The following JAK2 variants were observed in gnomAD, a reference collection of about 807,000 sequenced individuals.
JAK2 encodes Janus kinase 2.
In JAK2, 86 loss-of-function variants were observed where a neutral mutation model predicts 139.3. The observed-to-expected ratio is 0.62, with a 90% CI of 0.52 to 0.74. The LOEUF is 0.74. Ranked by LOEUF, JAK2 falls within the 30% of genes least tolerant of loss-of-function variation. The pLI is 0.00. For missense variants in JAK2, 1,421 were observed against 1,360.3 expected, an observed-to-expected ratio of 1.04 and a Z score of -0.70; for synonymous variants, 490 against 437.7, an observed-to-expected ratio of 1.12 and a Z score of -1.49.
intron 6 of JAK2, among the ~76,000 whole-genome samples, chr9:5,053,196 A>G (rs781311926): frequency 3.9e-5 from 6 of 151,916 alleles, no homozygotes; most frequent in African/African-American, 9.7e-5. Flanking sequence ...GTCTCATTCT[A>G]GTTTTGATGT....
chr9:5,112,693 G>T, intron 22 of JAK2: 1 of 902,626 alleles, frequency 1.1e-6, no homozygotes, highest in South Asian at 3.0e-5. Context: ...TCCTGAATTT[G>T]GAGCAGCAAG....
chr9:5,093,310 C>T (rs899132206), intron 22 of JAK2, among the ~76,000 whole-genome samples: 4 of 152,160 alleles, frequency 2.6e-5, no homozygotes, highest in African/African-American at 9.7e-5. Flanking sequence ...TCTAGCATTA[C>T]CAGTATTAGA....
At chr9:5,024,489 C>G (rs982434831) in intron 3 of JAK2, among the ~76,000 whole-genome samples, 2 of 152,002 alleles carry the variant, frequency 1.3e-5, no homozygotes, top group African/African-American at 4.8e-5. Context: ...CCTGCTTGTG[C>G]TGACTCTAAA....
intron 19 of JAK2, among the ~76,000 whole-genome samples, chr9:5,087,596 G>T (rs2031907): frequency 6.6e-6 from 1 of 151,950 alleles, no homozygotes; most frequent in Admixed American, 6.6e-5. Flanking sequence ...GAGGCATTCC[G>T]AATTAAAAGT....
intron 14 of JAK2, among the ~76,000 whole-genome samples, chr9:5,076,945 T>TA (rs35463922): frequency 0.25 from 38,510 of 151,840 alleles, 5,026 homozygotes; most frequent in South Asian, 0.3. Context: ...TATATTTTTT[T>TA]AAAAAAGTTT....
chr9:5,118,054 C>T (rs1823339966), intron 22 of JAK2, among the ~76,000 whole-genome samples: 1 of 152,252 alleles, frequency 6.6e-6, no homozygotes, highest in South Asian at 2.1e-4. Flanking sequence ...TAAATAACAG[C>T]TATGTCAATC....
At chr9:5,115,003 G>C (rs560506243) in intron 22 of JAK2, among the ~76,000 whole-genome samples, 2 of 152,250 alleles carry the variant, frequency 1.3e-5, no homozygotes, top group South Asian at 4.1e-4. Context: ...CAGGACATAG[G>C]CATGGGCAAG....
Position 5,069,080 on chromosome 9 carries a change from A to G in JAK2, c.1385A>G (p.Tyr462Cys). 1 of 1,610,768 alleles carries G rather than the reference A, an allele frequency of 6.2e-7. No individual in the cohort carries two copies. Among genetic ancestry groups the G allele is most frequent in the Non-Finnish European group, 8.5e-7 (1 of 1,177,696 alleles). The change falls in exon 11 of 25, where the codon TAC becomes TGC. Residue 462 changes from tyrosine (Y) to cysteine (C), a missense_variant. By Grantham distance (194) the Tyr-to-Cys change is radical (BLOSUM62 -2). Coordinates refer to ENST00000381652, the MANE Select transcript of JAK2 (RefSeq NM_004972.4). ...ATTACAAAAAATGAGAATGAAGAGT[A>G]CAACCTCAGTGGGACAAAGAAGAAC... is the stretch of plus-strand genomic sequence containing the variant. Reference protein sequence around the residue: ...CLITKNENEEYNLSGTKKNFS... With the variant: ...CLITKNENEECNLSGTKKNFS...
chr9:5,050,486 G>A (rs759859768), intron 5 of JAK2, among the ~76,000 whole-genome samples, 200 bp from the exon 6 acceptor site: 1 of 152,090 alleles, frequency 6.6e-6, no homozygotes, highest in Non-Finnish European at 1.5e-5. Flanking sequence ...GCCCAGGCTG[G>A]TCTCAAACTC....
intron 16 of JAK2, 138 bp from the exon 17 acceptor site, chr9:5,080,091 A>T (rs1189907011): frequency 8.3e-6 from 5 of 603,876 alleles, no homozygotes; most frequent in Admixed American, 2.9e-5. Flanking sequence ...AGTCATGTGC[A>T]TGTGCACATC....
intron 2 of JAK2, among the ~76,000 whole-genome samples, chr9:5,001,520 A>T (rs1365413794): frequency 1.3e-5 from 2 of 152,090 alleles, no homozygotes; most frequent in African/African-American, 2.4e-5. Context: ...AGCAACCAGT[A>T]TGACTGGAAT....
chr9:4,995,782 C>G (rs944475514), intron 2 of JAK2, among the ~76,000 whole-genome samples: 5 of 152,128 alleles, frequency 3.3e-5, no homozygotes, highest in Non-Finnish European at 5.9e-5. Context: ...TTTAGTTATT[C>G]TATTTAATTC....
chr9:5,065,167 G>T (rs1415330595), intron 9 of JAK2, 127 bp downstream of exon 9: 2 of 505,114 alleles, frequency 4.0e-6, no homozygotes, highest in Non-Finnish European at 6.5e-6. Flanking sequence ...TAAACAAAAG[G>T]CTATTTGCAA....
intron 2 of JAK2, among the ~76,000 whole-genome samples, chr9:5,007,885 G>A (rs879618361): frequency 3.3e-5 from 5 of 151,850 alleles, no homozygotes; most frequent in East Asian, 1.9e-4. Context: ...GTGCCACCAC[G>A]CCTGGCTAAT....
intron 22 of JAK2, chr9:5,114,201 A>G: frequency 4.2e-6 from 2 of 481,620 alleles, no homozygotes; most frequent in Non-Finnish European, 8.2e-6. Context: ...CACCTACCTG[A>G]GCCGGTCCAG....
intron 2 of JAK2, among the ~76,000 whole-genome samples, chr9:5,011,937 G>T (rs747935176): frequency 2.0e-5 from 3 of 152,188 alleles, no homozygotes; most frequent in Non-Finnish European, 2.9e-5. Flanking sequence ...ATATTTACCA[G>T]TTCCCTCTAA....
intron 2 of JAK2, among the ~76,000 whole-genome samples, chr9:5,016,711 A>T (rs1005647353): frequency 6.6e-6 from 1 of 152,122 alleles, no homozygotes; most frequent in African/African-American, 2.4e-5. Flanking sequence ...GGCACCCCAG[A>T]GGTCTCCCTG....
chr9:4,988,026 G>A (rs1820060914), intron 2 of JAK2, among the ~76,000 whole-genome samples: 1 of 152,200 alleles, frequency 6.6e-6, no homozygotes, highest in Non-Finnish European at 1.5e-5. Context: ...TACAGCCTTT[G>A]TATGGAAAGG....
intron 2 of JAK2, among the ~76,000 whole-genome samples, chr9:5,010,089 G>T (rs917772475): frequency 6.6e-6 from 1 of 152,142 alleles, no homozygotes; most frequent in African/African-American, 2.4e-5. Flanking sequence ...GTTTTAAATA[G>T]AGTCTATTTC....
Sources: allele counts gnomAD v4.1 joint callset (sites outside exome capture counted in the v4.1 genomes callset), GRCh38; gene constraint gnomAD v4.1.1; transcripts MANE v1.5; gene names NCBI Gene and HGNC (gene_info 2026-07-23, HGNC 2026-07-21).